NSMCE2: variants seen among roughly 807,000 people sequenced by gnomAD.
The protein encoded by NSMCE2 is NSE2 SUMO ligase component of SMC5/6 complex.
In NSMCE2, 24 loss-of-function variants were observed where a neutral mutation model predicts 23.8. The ratio of observed to expected loss-of-function variants is 1.01; its 90% confidence interval spans 0.73 to 1.42. The LOEUF is 1.42. NSMCE2 is among the 40% of genes most tolerant of loss of function. The probability of loss-of-function intolerance (pLI) is 0.00; values close to 1 mark genes in which losing one functional copy is unlikely to be tolerated. For synonymous variants in NSMCE2, 92 were observed against 94.1 expected (o/e 0.98, Z 0.13); for missense variants, 284 against 296.5 (o/e 0.96, Z 0.31).
Position 125,281,532 on chromosome 8 carries a change from C to T in NSMCE2, c.419-75687C>T, listed in dbSNP as rs368437346. Among the ~76,000 whole-genome samples the T allele has an allele frequency of 1.1e-4, 16 of 152,160 alleles. No individual in the cohort carries two copies. The East Asian group carries it at 1.5e-3, about 15-fold the overall frequency. On this transcript the variant is annotated intron_variant, in intron 5 of 7. Coordinates refer to ENST00000287437, the MANE Select transcript of NSMCE2 (RefSeq NM_173685.4). ...TCGGCTCACTGCAGCCTCCACCTCC[C>T]GGGTTCAACCGATTCTCTTGCCTCA...
intron 4 of NSMCE2, among the ~76,000 whole-genome samples, chr8:125,176,864 T>G (rs75799453): frequency 1.0e-3 from 155 of 152,334 alleles, no homozygotes; most frequent in Non-Finnish European, 1.7e-3. Flanking sequence ...CTGGGACTTG[T>G]ACCATTACTT....
intron 5 of NSMCE2, among the ~76,000 whole-genome samples, chr8:125,332,468 G>C (rs1829916327): frequency 6.6e-6 from 1 of 152,184 alleles, no homozygotes; most frequent in Admixed American, 6.5e-5. Context: ...TCGCATCAGA[G>C]TTGTATCAAT....
At chr8:125,286,971 C>T (rs1249121164) in intron 5 of NSMCE2, among the ~76,000 whole-genome samples, 1 of 152,186 alleles carries the variant, frequency 6.6e-6, no homozygotes, top group Admixed American at 6.5e-5. Flanking sequence ...AACTCCCGAT[C>T]TCACTGTAAC....
chr8:125,149,822 G>A (rs1031830326), intron 3 of NSMCE2, among the ~76,000 whole-genome samples: 1 of 152,052 alleles, frequency 6.6e-6, no homozygotes, highest in African/African-American at 2.4e-5. Flanking sequence ...TTGTTTTCTT[G>A]TGTATTATAG....
At chr8:125,259,175 C>A (rs1826572658) in intron 5 of NSMCE2, among the ~76,000 whole-genome samples, 1 of 151,844 alleles carries the variant, frequency 6.6e-6, no homozygotes, top group Non-Finnish European at 1.5e-5. Context: ...CAGGTGTGAG[C>A]CACTGTACCT....
At chr8:125,258,704 G>A (rs1826547786) in intron 5 of NSMCE2, among the ~76,000 whole-genome samples, 2 of 152,226 alleles carry the variant, frequency 1.3e-5, no homozygotes, top group Non-Finnish European at 2.9e-5. Context: ...AAAACACAGA[G>A]GAGTAAGAGG....
At chr8:125,102,761 T>C (rs1246790021) in intron 3 of NSMCE2, among the ~76,000 whole-genome samples, 1 of 152,208 alleles carries the variant, frequency 6.6e-6, no homozygotes, top group Non-Finnish European at 1.5e-5. Flanking sequence ...GCATACAATC[T>C]AAAGTATTTG....
intron 5 of NSMCE2, among the ~76,000 whole-genome samples, chr8:125,197,897 G>A (rs957638524): frequency 4.6e-5 from 7 of 152,076 alleles, no homozygotes; most frequent in African/African-American, 1.4e-4. Flanking sequence ...TCCTTGAAGA[G>A]GCCCTTCACA....
chr8:125,321,319 C>G (rs1184790183), intron 5 of NSMCE2, among the ~76,000 whole-genome samples: 1 of 152,056 alleles, frequency 6.6e-6, no homozygotes, highest in African/African-American at 2.4e-5. Flanking sequence ...AAAAATAATA[C>G]CAATGTTTGT....
intron 5 of NSMCE2, among the ~76,000 whole-genome samples, chr8:125,295,068 C>T (rs1828269687): frequency 6.6e-6 from 1 of 152,150 alleles, no homozygotes. Context: ...TCTTGAATGT[C>T]GTGTTGCTGT....
At chr8:125,095,815 T>C (rs1817898463) in intron 1 of NSMCE2, among the ~76,000 whole-genome samples, 1 of 141,876 alleles carries the variant, frequency 7.0e-6, no homozygotes, top group East Asian at 2.0e-4. Context: ...CTGGGAGGCG[T>C]AGGTTGCAGT....
chr8:125,280,829 G>T (rs375499011), intron 5 of NSMCE2, among the ~76,000 whole-genome samples: 1 of 152,176 alleles, frequency 6.6e-6, no homozygotes, highest in African/African-American at 2.4e-5. Context: ...TCAAAGTTTG[G>T]TAAGGGAAAT....
chr8:125,203,301 T>A (rs148276745), intron 5 of NSMCE2, among the ~76,000 whole-genome samples: 1 of 152,124 alleles, frequency 6.6e-6, no homozygotes, highest in Non-Finnish European at 1.5e-5. Context: ...TCAACCTGTT[T>A]GCCAGATTAT....
intron 5 of NSMCE2, among the ~76,000 whole-genome samples, chr8:125,300,541 T>A (rs768436496): frequency 2.0e-5 from 3 of 152,192 alleles, no homozygotes; most frequent in Non-Finnish European, 1.5e-5. Context: ...AGTTATGGTA[T>A]CTCAGTAAGT....
chr8:125,227,820 C>CT (rs1468117812), intron 5 of NSMCE2, among the ~76,000 whole-genome samples: 7 of 151,850 alleles, frequency 4.6e-5, no homozygotes, highest in Non-Finnish European at 7.4e-5. Context: ...TTCTTTTAGT[C>CT]TTTTTTTTCT....
At chr8:125,202,377 C>T (rs1283439984) in intron 5 of NSMCE2, among the ~76,000 whole-genome samples, 1 of 152,194 alleles carries the variant, frequency 6.6e-6, no homozygotes, top group African/African-American at 2.4e-5. Context: ...ACTTTTTAAA[C>T]TCATTTATTT....
At chr8:125,214,412 G>A (rs1319966273) in intron 5 of NSMCE2, among the ~76,000 whole-genome samples, 2 of 152,180 alleles carry the variant, frequency 1.3e-5, no homozygotes, top group Non-Finnish European at 2.9e-5. Context: ...AAAGGAATGA[G>A]ATCAGAATTG....
rs543103559 is a variant in NSMCE2, at chr8:125,352,399, C to A, written c.419-4820C>A. ...GCTGAGGCAGGAGAATCGCTTGAACCCGGGAGGCGGAGGTTGCAGTGAGCC... is the reference window on the plus strand; with the variant it reads ...GCTGAGGCAGGAGAATCGCTTGAACACGGGAGGCGGAGGTTGCAGTGAGCC... On this transcript the variant is annotated intron_variant, in intron 5 of 7. Transcript: ENST00000287437. Among the ~76,000 whole-genome samples the A allele has an allele frequency of 2.8e-4, 42 of 151,704 alleles. No homozygotes were observed. The East Asian group carries it at 7.8e-3, about 28-fold the overall frequency.
At chr8:125,139,208 A>G (rs1320163989) in intron 3 of NSMCE2, among the ~76,000 whole-genome samples, 1 of 152,192 alleles carries the variant, frequency 6.6e-6, no homozygotes, top group African/African-American at 2.4e-5. Flanking sequence ...AGAAGTTTGT[A>G]AAAGCTCTTT....
Sources: allele counts gnomAD v4.1 joint callset (sites outside exome capture counted in the v4.1 genomes callset), GRCh38; gene constraint gnomAD v4.1.1; transcripts MANE v1.5; gene names NCBI Gene and HGNC (gene_info 2026-07-23, HGNC 2026-07-21).